Variants in SUGP2 observed in about 807,000 individuals in gnomAD.
The protein encoded by SUGP2 is SURP and G-patch domain-containing protein 2.
SUGP2 carries 24 observed loss-of-function variants against 90.5 expected under a neutral mutation model. That is an observed-to-expected ratio of 0.27 (90% CI 0.19 to 0.37). The LOEUF is 0.37. SUGP2 is among the 10% of genes least tolerant of loss of function. The pLI is 1.00. For missense variants in SUGP2, 1,233 were observed against 1,363.3 expected (o/e 0.90, Z 1.51); for synonymous variants, 473 against 513.4 (o/e 0.92, Z 1.06).
chr19:18,994,695 G>A, intron 9 of SUGP2: 1 of 644,184 alleles, frequency 1.6e-6, no homozygotes. Context: ...TGCCCAGAGG[G>A]CCCTGGTTAC....
chr19:19,023,964 C>T (rs1321033014), intron 3 of SUGP2, among the ~76,000 whole-genome samples: 1 of 151,940 alleles, frequency 6.6e-6, no homozygotes, highest in Non-Finnish European at 1.5e-5. Flanking sequence ...AAAAAAGGAA[C>T]AAGCGTTCTT....
chr19:19,022,093 T>G (rs537939039), intron 3 of SUGP2, among the ~76,000 whole-genome samples: 1 of 152,124 alleles, frequency 6.6e-6, no homozygotes, highest in African/African-American at 2.4e-5. Flanking sequence ...CAAGCGATTA[T>G]CCTGCCTCAG....
At chr19:19,006,358 G>A (rs1162523423) in intron 6 of SUGP2, among the ~76,000 whole-genome samples, 1 of 152,072 alleles carries the variant, frequency 6.6e-6, no homozygotes, top group Non-Finnish European at 1.5e-5. Flanking sequence ...AAGTCATCTT[G>A]GCCCATTTAC....
intron 5 of SUGP2, among the ~76,000 whole-genome samples, chr19:19,008,964 T>A (rs2058196398): frequency 6.6e-6 from 1 of 152,010 alleles, no homozygotes; most frequent in Non-Finnish European, 1.5e-5. Context: ...CAGGCTGGAG[T>A]GCAGTGGTGA....
intron 6 of SUGP2, among the ~76,000 whole-genome samples, chr19:19,006,579 T>TG (rs2058085096): frequency 6.6e-6 from 1 of 151,996 alleles, no homozygotes; most frequent in South Asian, 2.1e-4. Context: ...TACTTTTCAT[T>TG]GAAAAAAAAG....
intron 8 of SUGP2, among the ~76,000 whole-genome samples, chr19:18,999,560 T>C (rs2057749130): frequency 2.0e-5 from 3 of 152,180 alleles, no homozygotes; most frequent in Admixed American, 1.3e-4. Context: ...GGGCACCAGA[T>C]GCCAGCTCAG....
chr19:19,002,523 T>TG, intron 7 of SUGP2, among the ~76,000 whole-genome samples: 1 of 143,102 alleles, frequency 7.0e-6, no homozygotes, highest in African/African-American at 2.6e-5. Flanking sequence ...TTTTTTTTTT[T>TG]TTTTTTTGAG....
chr19:19,026,258 G>A (rs748175253), intron 2 of SUGP2, 32 bp from the exon 3 acceptor site: 8 of 1,474,744 alleles, frequency 5.4e-6, no homozygotes, highest in Non-Finnish European at 6.3e-6. Context: ...AAAAAAAGAA[G>A]AAGCCAAAAG....
chr19:19,001,678 G>A lies in SUGP2; in HGVS notation c.2930-4C>T. The A allele has an allele frequency of 1.2e-6, 2 of 1,614,172 alleles. No individual in the cohort carries two copies. Among genetic ancestry groups the A allele is most frequent in the Non-Finnish European group, 1.7e-6 (2 of 1,179,996 alleles). On this transcript the variant is annotated splice_polypyrimidine_tract_variant and splice_region_variant and intron_variant, in intron 7 of 10. Transcript: ENST00000452918. ...GCAATTCGAACTGGTTCATGGACTA[G>A]AAGACAAAAGAAAGAGACACATACA...
chr19:19,029,699 G>C (rs529717174), intron 2 of SUGP2, among the ~76,000 whole-genome samples: 1 of 150,922 alleles, frequency 6.6e-6, no homozygotes, highest in Admixed American at 6.6e-5. Flanking sequence ...CAGCACTCTG[G>C]GAGGCCGAGG....
chr19:19,030,307 T>C (rs1353743777), intron 2 of SUGP2, among the ~76,000 whole-genome samples: 2 of 151,752 alleles, frequency 1.3e-5, no homozygotes, highest in Admixed American at 1.3e-4. Flanking sequence ...CTGGCCAACA[T>C]GGTAAAACCT....
intron 2 of SUGP2, 122 bp from the exon 3 acceptor site, chr19:19,026,348 C>A: frequency 1.0e-6 from 1 of 956,482 alleles, no homozygotes; most frequent in South Asian, 1.9e-5. Context: ...TTATACACCT[C>A]AGTGCTTTTT....
At chr19:19,023,498 G>A (rs1466875419) in intron 3 of SUGP2, among the ~76,000 whole-genome samples, 1 of 152,072 alleles carries the variant, frequency 6.6e-6, no homozygotes, top group Non-Finnish European at 1.5e-5. Context: ...TGGCTCACAA[G>A]TGACTGGTCT....
chr19:19,020,413 C>T lies in SUGP2; in HGVS notation c.1730-1184G>A, dbSNP rs187827677. 4.1e-3 allele frequency among the ~76,000 whole-genome samples: 585 copies of T among 142,534 alleles called. 1 individual carries two copies. Among genetic ancestry groups the T allele is most frequent in the South Asian group, 0.018 (77 of 4,236 alleles). 93.5% of individuals were successfully genotyped at this position (142,534 alleles called of 152,430 possible). On this transcript the variant is annotated intron_variant, in intron 3 of 10. Coordinates refer to ENST00000452918, the MANE Select transcript of SUGP2 (RefSeq NM_001017392.5). ...CGCCACTGCACTCCAGCCTGAGCGT[C>T]AGAGTGAGACCCTGTCTCAAAAAAA...
downstream of SUGP2, chr19:18,990,892 C>G (rs571723689): frequency 6.6e-6 from 1 of 152,380 alleles, no homozygotes; most frequent in South Asian, 2.1e-4. Context: ...CCCCAGCACA[C>G]TGCATTTCCT....
At chr19:18,998,602 GCGTGTGTGTATGCA>G (rs887000797) in intron 8 of SUGP2, among the ~76,000 whole-genome samples, 23 of 151,816 alleles carry the variant, frequency 1.5e-4, no homozygotes, top group African/African-American at 5.3e-4. Flanking sequence ...ATGTGTGTGT[GCGTGTGTGTATGCA>G]TGTGTGTGTG....
At chr19:19,026,583 G>C (rs1174066057) in intron 2 of SUGP2, among the ~76,000 whole-genome samples, 1 of 152,166 alleles carries the variant, frequency 6.6e-6, no homozygotes, top group Non-Finnish European at 1.5e-5. Context: ...TAGCCATCTG[G>C]GTTGACAATC....
upstream of SUGP2, chr19:19,033,557 C>A: frequency 7.9e-7 from 1 of 1,262,278 alleles, no homozygotes; most frequent in Non-Finnish European, 1.0e-6. Context: ...CCGCGCCGCG[C>A]AGGCGCAAGC....
chr19:18,995,068 A>G (rs768076090), intron 9 of SUGP2, 76 bp downstream of exon 9: 7 of 1,550,772 alleles, frequency 4.5e-6, no homozygotes, highest in Non-Finnish European at 6.1e-6. Flanking sequence ...CTTGGCTGTG[A>G]AGGAGCCAAG....
Sources: allele counts gnomAD v4.1 joint callset (sites outside exome capture counted in the v4.1 genomes callset), GRCh38; gene constraint gnomAD v4.1.1; transcripts MANE v1.5; gene names NCBI Gene and HGNC (gene_info 2026-07-23, HGNC 2026-07-21).